The following ZBBX variants were observed in gnomAD, a reference collection of about 807,000 sequenced individuals.
ZBBX encodes the protein zinc finger B-box domain containing, also known as zinc finger B-box domain-containing protein 1.
A neutral mutation model predicts 108.5 loss-of-function variants in ZBBX; 101 were observed. The ratio of observed to expected loss-of-function variants is 0.93; its 90% CI spans 0.79 to 1.10. The LOEUF is 1.10. Ranked by LOEUF, ZBBX falls within the 50% of genes least tolerant of loss-of-function variation. The probability of loss-of-function intolerance (pLI) is 0.00; values close to 1 mark genes in which losing one functional copy is unlikely to be tolerated. For synonymous variants in ZBBX, 356 were observed against 323.4 expected (o/e 1.10, Z -1.08); for missense variants, 1,009 against 941.4 (o/e 1.07, Z -0.94).
chr3:167,387,581 T>C (rs1747956385), intron 1 of ZBBX, among the ~76,000 whole-genome samples: 1 of 151,948 alleles, frequency 6.6e-6, no homozygotes. Flanking sequence ...AATATAAGCA[T>C]AGAGAATCTA....
intron 20 of ZBBX, among the ~76,000 whole-genome samples, chr3:167,267,979 G>A (rs1725859247): frequency 6.6e-6 from 1 of 151,844 alleles, no homozygotes; most frequent in African/African-American, 2.4e-5. Context: ...CTGATTCTTG[G>A]GAATCATCAT....
chr3:167,295,275 G>T (rs1305983812), intron 18 of ZBBX, among the ~76,000 whole-genome samples: 1 of 151,794 alleles, frequency 6.6e-6, no homozygotes, highest in Non-Finnish European at 1.5e-5. Flanking sequence ...CACAATAGCA[G>T]ACTTGGAAGC....
chr3:167,205,557 A>T, the ZBBX span, among the ~76,000 whole-genome samples: 1 of 152,188 alleles, frequency 6.6e-6, no homozygotes, highest in Non-Finnish European at 1.5e-5. Context: ...TGAGATAATA[A>T]CAGCTAACAT....
At chr3:167,200,436 T>A in the ZBBX span, among the ~76,000 whole-genome samples, 1 of 152,180 alleles carries the variant, frequency 6.6e-6, no homozygotes, top group African/African-American at 2.4e-5. Context: ...CATGTATACA[T>A]GCTTTTTGAA....
intron 1 of ZBBX, among the ~76,000 whole-genome samples, chr3:167,396,914 C>T (rs542832148): frequency 6.6e-6 from 1 of 151,528 alleles, no homozygotes; most frequent in South Asian, 2.1e-4. Context: ...TTTCACAGGT[C>T]TTATGTTAAA....
intron 20 of ZBBX, among the ~76,000 whole-genome samples, chr3:167,245,177 G>T (rs1721339719): frequency 6.6e-6 from 1 of 152,162 alleles, no homozygotes; most frequent in African/African-American, 2.4e-5. Flanking sequence ...ACTTTGGGAG[G>T]CCGAGGCGGG....
At chr3:167,277,128 T>C (rs1239293049) in intron 20 of ZBBX, among the ~76,000 whole-genome samples, 4 of 151,898 alleles carry the variant, frequency 2.6e-5, no homozygotes, top group South Asian at 2.1e-4. Context: ...CGGTACCAGC[T>C]GCTGCAAAAT....
upstream of ZBBX, among the ~76,000 whole-genome samples, chr3:167,382,202 T>C (rs530600032): frequency 3.4e-4 from 52 of 152,274 alleles, no homozygotes; most frequent in Admixed American, 1.4e-3. Context: ...AAATAGCTTA[T>C]GCACAGTTAT....
At chr3:167,374,517 C>T (rs1347537867) in intron 2 of ZBBX, among the ~76,000 whole-genome samples, 1 of 152,124 alleles carries the variant, frequency 6.6e-6, no homozygotes, top group African/African-American at 2.4e-5. Flanking sequence ...TGACCATAGA[C>T]TTAAATGCCC....
intron 20 of ZBBX, among the ~76,000 whole-genome samples, chr3:167,275,969 C>T (rs1388699338): frequency 6.6e-6 from 1 of 152,148 alleles, no homozygotes; most frequent in African/African-American, 2.4e-5. Context: ...GGGTCCCTGA[C>T]CCCTGACCCC....
At chr3:167,311,423 GA>G (rs1251456377) in intron 16 of ZBBX, among the ~76,000 whole-genome samples, 2 of 151,674 alleles carry the variant, frequency 1.3e-5, no homozygotes, top group Non-Finnish European at 2.9e-5. Flanking sequence ...CAACATCAAA[GA>G]AAAAATTGAT....
In ZBBX at chr3:167,321,126, T is replaced by G. The variant is rs183017202; in HGVS notation, c.983+991A>C. Among the ~76,000 whole-genome samples the G allele has an allele frequency of 2.0e-5, 3 of 152,144 alleles. No homozygotes were observed. The East Asian group carries it at 5.8e-4, about 29-fold the overall frequency. On this transcript the variant is annotated intron_variant, in intron 12 of 21. Coordinates refer to ENST00000675490, the MANE Select transcript of ZBBX (RefSeq NM_001199201.2). ...ACCATTAGAGAAAGCTGAGTGAATG[T>G]TATTTGGGAATTCTTTGTGCTATTT... is the stretch of plus-strand genomic sequence containing the variant.
chr3:167,355,401 A>T (rs1286097191), intron 8 of ZBBX, among the ~76,000 whole-genome samples: 1 of 151,954 alleles, frequency 6.6e-6, no homozygotes, highest in African/African-American at 2.4e-5. Flanking sequence ...AAACAGAGAT[A>T]AAGAGGGATT....
chr3:167,293,799 A>G (rs1560083234), intron 18 of ZBBX, among the ~76,000 whole-genome samples: 2 of 152,160 alleles, frequency 1.3e-5, no homozygotes, highest in Admixed American at 6.5e-5. Flanking sequence ...AGAAAACCCC[A>G]TTGTCTCAGC....
At chr3:167,187,578 C>G in the ZBBX span, among the ~76,000 whole-genome samples, 1 of 152,154 alleles carries the variant, frequency 6.6e-6, no homozygotes, top group Non-Finnish European at 1.5e-5. Context: ...CATTGTCACA[C>G]TAAATTCCCT....
At chr3:167,350,132 A>G (rs963471709) in intron 9 of ZBBX, among the ~76,000 whole-genome samples, 4 of 152,090 alleles carry the variant, frequency 2.6e-5, no homozygotes, top group African/African-American at 9.7e-5. Flanking sequence ...ACAATAGATA[A>G]AATATTTTCT....
intron 4 of ZBBX, among the ~76,000 whole-genome samples, chr3:167,372,258 A>G (rs949588970): frequency 6.6e-6 from 1 of 152,080 alleles, no homozygotes; most frequent in African/African-American, 2.4e-5. Flanking sequence ...TCTTACTGAT[A>G]TTGAAGAGGA....
intron 11 of ZBBX, among the ~76,000 whole-genome samples, chr3:167,327,184 C>T (rs1310576160): frequency 6.8e-6 from 1 of 148,000 alleles, no homozygotes; most frequent in African/African-American, 2.5e-5. Flanking sequence ...GAAACAAAAA[C>T]AATGAGAACG....
Position 167,305,681 on chromosome 3 carries a change from G to A in ZBBX, c.1687C>T (p.Pro563Ser). The A allele has an allele frequency of 6.3e-7, 1 of 1,581,424 alleles. No homozygotes were observed. The highest frequency in any genetic ancestry group is 2.3e-5 in the East Asian group (1 of 44,190). ...SLELSNLYKR[P>S]SFEESKTTKS... is the part of the protein sequence containing the mutation. ...GTAGTTTTTGATTCTTCAAAGCTTGGCCTCTTATACAGATTGCTCAATTCC... is the reference window on the plus strand; with the variant it reads ...GTAGTTTTTGATTCTTCAAAGCTTGACCTCTTATACAGATTGCTCAATTCC... Residue 563 changes from proline (P) to serine (S), a missense_variant, in exon 17 of 22, where the codon CCA (proline) becomes TCA (serine). Physicochemically the swap from Pro to Ser is moderately conservative, Grantham distance 74. Transcript: ENST00000675490.
Sources: allele counts gnomAD v4.1 joint callset (sites outside exome capture counted in the v4.1 genomes callset), GRCh38; gene constraint gnomAD v4.1.1; transcripts MANE v1.5; gene names NCBI Gene and HGNC (gene_info 2026-07-23, HGNC 2026-07-21).